GRM4: variants seen among roughly 807,000 people sequenced by gnomAD.
GRM4 encodes glutamate metabotropic receptor 4, also known as metabotropic glutamate receptor 4.
Under a neutral mutation model 81.7 loss-of-function variants are expected in GRM4, and 28 were observed. The ratio of observed to expected loss-of-function variants is 0.34; its 90% CI spans 0.25 to 0.47. The LOEUF (loss-of-function observed/expected upper bound fraction) is 0.47. GRM4 is among the 20% of genes least tolerant of loss of function. The pLI is 1.00. For synonymous variants in GRM4, 488 were observed against 528.8 expected, an observed-to-expected ratio of 0.92 and a Z score of 1.06; for missense variants, 948 against 1,290.0, an observed-to-expected ratio of 0.73 and a Z score of 4.06.
intron 3 of GRM4, among the ~76,000 whole-genome samples, chr6:34,073,468 TCACCATA>T (rs376087713): frequency 0.038 from 5,667 of 149,200 alleles, 268 homozygotes; most frequent in African/African-American, 0.11. Context: ...CATCCACACA[TCACCATA>T]CACAGTCAGA....
At chr6:34,087,684 GCA>G (rs1281131268) in intron 3 of GRM4, among the ~76,000 whole-genome samples, 2 of 139,740 alleles carry the variant, frequency 1.4e-5, no homozygotes. Context: ...ACACGTGCCC[GCA>G]CACACACACA....
intron 9 of GRM4, among the ~76,000 whole-genome samples, chr6:34,030,611 G>C (rs1049786362): frequency 6.6e-6 from 1 of 152,196 alleles, no homozygotes; most frequent in Admixed American, 6.5e-5. Context: ...AGCGCTATGA[G>C]TGTACAACCT....
chr6:34,041,642 G>A (rs1158344568), intron 6 of GRM4, among the ~76,000 whole-genome samples: 2 of 152,118 alleles, frequency 1.3e-5, no homozygotes, highest in Admixed American at 6.5e-5. Context: ...ATAAGGTACC[G>A]AAAACACTTG....
intron 2 of GRM4, among the ~76,000 whole-genome samples, chr6:34,132,572 T>C (rs1268076768): frequency 3.9e-5 from 6 of 152,222 alleles, no homozygotes; most frequent in Admixed American, 3.9e-4. Context: ...TGTCTGTCTG[T>C]CTATCCACCT....
chr6:34,071,597 T>TACAGACCACACACACAC (rs1766862882), intron 3 of GRM4, among the ~76,000 whole-genome samples: 1 of 122,658 alleles, frequency 8.2e-6, no homozygotes, highest in Non-Finnish European at 1.8e-5. Context: ...ACCACACAGA[T>TACAGACCACACACACAC]ACATACCACA....
rs1254252616 is a variant in GRM4, at chr6:34,019,800, G to C, written c.*3021C>G. On this transcript the variant is annotated 3_prime_UTR_variant, in exon 11 of 11. Transcript: ENST00000538487. Reference sequence around the variant, plus strand: ...GCTTTCTCCAGTCATTAATAATTGAGGATGAGAGCAAAGGTGAGCAGCCAA... The same window carrying C: ...GCTTTCTCCAGTCATTAATAATTGACGATGAGAGCAAAGGTGAGCAGCCAA... The C allele has an allele frequency of 1.3e-5, 2 of 152,162 alleles. No homozygotes were observed. The highest frequency in any genetic ancestry group is 2.9e-5 in the Non-Finnish European group (2 of 68,044). The allele number at this position is 152,162 out of a possible 1,614,324, so 9.4% of individuals were successfully genotyped here. A position where few individuals can be genotyped will look rare whatever the true frequency, so the allele number is the denominator to read the frequency against.
intron 2 of GRM4, among the ~76,000 whole-genome samples, chr6:34,107,495 C>T (rs114066208): frequency 0.019 from 2,951 of 152,246 alleles, 30 homozygotes; most frequent in African/African-American, 0.041. Context: ...CACACAAAAT[C>T]GTGATGACCG....
chr6:34,084,172 C>A (rs1767758350), intron 3 of GRM4, among the ~76,000 whole-genome samples: 1 of 152,198 alleles, frequency 6.6e-6, no homozygotes, highest in East Asian at 1.9e-4. Context: ...GCCAGCTGGA[C>A]CTCAGAGGCG....
intron 1 of GRM4, among the ~76,000 whole-genome samples, chr6:34,137,526 T>C (rs1292326575): frequency 6.6e-6 from 1 of 151,968 alleles, no homozygotes; most frequent in African/African-American, 2.4e-5. Context: ...CTCTCTGTTA[T>C]CTAGGGCTTT....
chr6:34,123,731 C>T (rs975063043), intron 2 of GRM4, among the ~76,000 whole-genome samples: 5 of 152,188 alleles, frequency 3.3e-5, no homozygotes, highest in Non-Finnish European at 7.3e-5. Context: ...CACAAGGAAA[C>T]GGGGGCACAG....
At chr6:34,123,713 A>G (rs550999172) in intron 2 of GRM4, among the ~76,000 whole-genome samples, 1 of 152,258 alleles carries the variant, frequency 6.6e-6, no homozygotes, top group Non-Finnish European at 1.5e-5. Context: ...AGGCATCCCC[A>G]TTTTACACAC....
At chr6:34,129,467 A>G (rs1770152624) in intron 2 of GRM4, among the ~76,000 whole-genome samples, 1 of 152,232 alleles carries the variant, frequency 6.6e-6, no homozygotes. Context: ...ACAGGCTACA[A>G]CCACTGGGCT....
At chr6:34,119,268 C>T (rs1208488309) in intron 2 of GRM4, among the ~76,000 whole-genome samples, 1 of 152,116 alleles carries the variant, frequency 6.6e-6, no homozygotes. Context: ...TGGTGGCGGG[C>T]GCCTGTAATC....
At chr6:34,106,105 GGTC>G (rs1769114392) in intron 2 of GRM4, 1 of 152,156 alleles carries the variant, frequency 6.6e-6, no homozygotes, top group Admixed American at 6.6e-5. Flanking sequence ...ACACCACAGG[GGTC>G]CTCTCTTTAA....
intron 1 of GRM4, among the ~76,000 whole-genome samples, chr6:34,151,400 C>T (rs987181929): frequency 4.6e-5 from 7 of 152,308 alleles, no homozygotes; most frequent in Middle Eastern, 3.4e-3. Context: ...TTTAAAACAA[C>T]TTATCATCTC....
intron 2 of GRM4, among the ~76,000 whole-genome samples, chr6:34,105,340 T>C (rs1179684748): frequency 1.3e-5 from 2 of 152,034 alleles, no homozygotes; most frequent in South Asian, 2.1e-4. Context: ...GGAAGGAAGA[T>C]GGAGGCAAGG....
rs1021468913 is a variant in GRM4, at chr6:34,069,164, G to GTA, written c.737-7138_737-7137dup. Among the ~76,000 whole-genome samples, 6 of 120,712 alleles carry GTA rather than the reference G, an allele frequency of 5.0e-5. No individual in the cohort carries two copies. The highest frequency in any genetic ancestry group is 1.8e-4 in the African/African-American group (5 of 27,714). 79.2% of individuals were successfully genotyped at this position (120,712 alleles called of 152,430 possible). A position where few individuals can be genotyped will look rare whatever the true frequency, so the allele number is the denominator to read the frequency against. ...AAGCTACCCCTGGACCCTCATGGGC[G>GTA]TATACACACACACACACACACACAC... On this transcript the variant is annotated intron_variant, in intron 3 of 10. Coordinates refer to ENST00000538487, the MANE Select transcript of GRM4 (RefSeq NM_000841.4). The surrounding 1 kb of genome is among the most constrained non-coding windows in gnomAD (Gnocchi z 6.4).
intron 6 of GRM4, among the ~76,000 whole-genome samples, 166 bp from the exon 7 acceptor site, chr6:34,040,914 G>A (rs1478259253): frequency 6.6e-6 from 1 of 152,212 alleles, no homozygotes; most frequent in African/African-American, 2.4e-5. Flanking sequence ...CCAGGAGATG[G>A]CCCTGTGGAG....
intron 5 of GRM4, 39 bp downstream of exon 5, chr6:34,058,935 C>G (rs1212303609): frequency 6.4e-7 from 1 of 1,569,662 alleles, no homozygotes; most frequent in African/African-American, 1.3e-5. Context: ...GAGGAGCAGT[C>G]CAGGATGGTG....
Sources: allele counts gnomAD v4.1 joint callset (sites outside exome capture counted in the v4.1 genomes callset), GRCh38; gene constraint gnomAD v4.1.1; non-coding constraint Gnocchi (gnomAD v3.1); transcripts MANE v1.5; gene names NCBI Gene and HGNC (gene_info 2026-07-23, HGNC 2026-07-21).